PLEKHH2: variants seen among roughly 807,000 people sequenced by gnomAD.
PLEKHH2 encodes the protein pleckstrin homology, MyTH4 and FERM domain containing H2, also known as pleckstrin homology domain-containing family H member 2.
A neutral mutation model predicts 187.9 loss-of-function variants in PLEKHH2; 129 were observed. The ratio of observed to expected loss-of-function variants is 0.69; its 90% confidence interval spans 0.59 to 0.79. The LOEUF (loss-of-function observed/expected upper bound fraction) is 0.79, where lower values mean the gene tolerates loss of function less well. Among genes scored for constraint, PLEKHH2 ranks in the 30% least tolerant of loss-of-function variants. The pLI, the probability that PLEKHH2 is intolerant of heterozygous loss-of-function variation, is 0.00. For missense variants in PLEKHH2, 2,076 were observed against 1,751.2 expected, an observed-to-expected ratio of 1.19 and a Z score of -3.31; for synonymous variants, 686 against 605.6, an observed-to-expected ratio of 1.13 and a Z score of -1.95.
Position 43,731,610 on chromosome 2 carries a change from A to G in PLEKHH2, c.2943+8A>G, listed in dbSNP as rs575681352. 2.0e-6 allele frequency: 3 copies of G among 1,475,826 alleles called. No individual in the cohort carries two copies. The highest frequency in any genetic ancestry group is 1.4e-5 in the African/African-American group (1 of 70,810). The allele number at this position is 1,475,826 out of a possible 1,614,324, so 91.4% of individuals were successfully genotyped here. A position where few individuals can be genotyped will look rare whatever the true frequency, so the allele number is the denominator to read the frequency against. On this transcript the variant is annotated splice_region_variant and intron_variant, in intron 19 of 29. Coordinates refer to ENST00000282406, the MANE Select transcript of PLEKHH2 (RefSeq NM_172069.4). ...GCTATTAAATTATTTAAGGTAAAAT[A>G]TTTATATGTTGTTAAATGATTTAAG...
intron 15 of PLEKHH2, among the ~76,000 whole-genome samples, chr2:43,718,533 G>A (rs1387032866): frequency 7.4e-5 from 11 of 148,274 alleles, no homozygotes; most frequent in African/African-American, 1.3e-4. Flanking sequence ...GCGAGACTCC[G>A]TCTCAAAAAA....
At chr2:43,718,174 G>A (rs1346977511) in intron 15 of PLEKHH2, among the ~76,000 whole-genome samples, 1 of 152,158 alleles carries the variant, frequency 6.6e-6, no homozygotes, top group African/African-American at 2.4e-5. Context: ...ATTTGAGGTT[G>A]CCTTTAAATT....
In PLEKHH2 at chr2:43,726,404, A is replaced by G. The variant is rs534996212; in HGVS notation, c.2674A>G (p.Lys892Glu). 23 of 1,612,252 alleles carry G rather than the reference A, an allele frequency of 1.4e-5. No individual in the cohort carries two copies. The East Asian group carries it at 4.7e-4, about 33-fold the overall frequency. The part of the protein sequence containing the change: ...STHYTIVIHP[K>E]DQGPTYLLIG... ...ACATTATACTATCGTTATCCATCCCAAAGACCAAGGTCCAACTTACCTCCT... is the reference window on the plus strand; with the variant it reads ...ACATTATACTATCGTTATCCATCCCGAAGACCAAGGTCCAACTTACCTCCT... The change falls in exon 17 of 30, where the codon AAA becomes GAA. Residue 892 changes from lysine to glutamate, a missense_variant. Coordinates refer to ENST00000282406, the MANE Select transcript of PLEKHH2 (RefSeq NM_172069.4).
intron 25 of PLEKHH2, 135 bp downstream of exon 25, chr2:43,753,895 G>A (rs1672101193): frequency 5.7e-6 from 4 of 706,980 alleles, no homozygotes; most frequent in African/African-American, 3.8e-5. Context: ...AAAAATTACA[G>A]GCACTATAAT....
chr2:43,678,091 G>A (rs1162101004), intron 2 of PLEKHH2, among the ~76,000 whole-genome samples: 3 of 151,390 alleles, frequency 2.0e-5, no homozygotes, highest in African/African-American at 7.3e-5. Flanking sequence ...CCGGGCAGAG[G>A]CGCTCCTCAC....
intron 20 of PLEKHH2, among the ~76,000 whole-genome samples, chr2:43,739,472 A>G (rs1013066345): frequency 7.2e-5 from 11 of 152,192 alleles, no homozygotes; most frequent in African/African-American, 2.7e-4. Context: ...ACCTTAGCAT[A>G]TAGGACTGTC....
intron 19 of PLEKHH2, among the ~76,000 whole-genome samples, chr2:43,735,711 G>T (rs968319890): frequency 6.6e-6 from 1 of 152,130 alleles, no homozygotes; most frequent in African/African-American, 2.4e-5. Context: ...CAGCTATTAT[G>T]TGTCAATAAC....
intron 2 of PLEKHH2, among the ~76,000 whole-genome samples, chr2:43,655,386 C>T (rs1329587446): frequency 2.0e-5 from 3 of 152,034 alleles, no homozygotes; most frequent in Non-Finnish European, 4.4e-5. Context: ...GTATCAAAAC[C>T]AGGAACTGCT....
At chr2:43,637,734 G>C (rs1703180778) in intron 1 of PLEKHH2, among the ~76,000 whole-genome samples, 1 of 152,200 alleles carries the variant, frequency 6.6e-6, no homozygotes, top group African/African-American at 2.4e-5. Context: ...GGGCAGCCCA[G>C]GGTCCCCGAG....
In PLEKHH2 at chr2:43,731,649, A is replaced by T. The variant is rs754598988; in HGVS notation, c.2943+47A>T. ...AAATGATTTAAGGTAAAATACTTAT[A>T]TGTTGTTAAATAATTGGAAAAAAAT... On this transcript the variant is annotated intron_variant, in intron 19 of 29. Transcript: ENST00000282406. 1.8e-5 allele frequency: 21 copies of T among 1,177,316 alleles called. No homozygotes were observed. The South Asian group carries it at 3.9e-4, about 22-fold the overall frequency. The allele number at this position is 1,177,316 out of a possible 1,614,324, so 72.9% of individuals were successfully genotyped here. A position where few individuals can be genotyped will look rare whatever the true frequency, so the allele number is the denominator to read the frequency against.
chr2:43,703,027 T>G (rs774338204), intron 8 of PLEKHH2, among the ~76,000 whole-genome samples: 7 of 152,176 alleles, frequency 4.6e-5, no homozygotes, highest in Non-Finnish European at 1.0e-4. Flanking sequence ...GCTGTTTGTG[T>G]GTGGGTGTAT....
intron 25 of PLEKHH2, 139 bp downstream of exon 25, chr2:43,753,899 C>T (rs2104616192): frequency 1.5e-6 from 1 of 688,518 alleles, no homozygotes. Context: ...ATTACAGGCA[C>T]TATAATTATA....
intron 21 of PLEKHH2, chr2:43,741,380 T>C (rs1671554331): frequency 6.2e-6 from 1 of 161,770 alleles, no homozygotes; most frequent in Admixed American, 6.3e-5. Flanking sequence ...TCCCTTTTAC[T>C]ATTTCTCTGC....
chr2:43,647,371 G>A (rs1666231282), intron 2 of PLEKHH2, among the ~76,000 whole-genome samples: 1 of 152,244 alleles, frequency 6.6e-6, no homozygotes, highest in African/African-American at 2.4e-5. Context: ...AAAGTGAGTA[G>A]TGGAGCCAAG....
intron 8 of PLEKHH2, among the ~76,000 whole-genome samples, chr2:43,703,365 A>C (rs999711193): frequency 2.0e-5 from 3 of 152,252 alleles, no homozygotes; most frequent in Non-Finnish European, 4.4e-5. Context: ...GGAACAAGAT[A>C]ATATAAATTC....
Position 43,710,509 on chromosome 2 carries a change from C to G in PLEKHH2, c.2235C>G (p.Pro745=), listed in dbSNP as rs961540841. ...YKSPSDVIRK[P]QGHIELSASC... ...TACAGAGTGATGTAATTAGAAAACC[C>G]CAGGGCCATATTGAACTTAGTGCAT... The change falls in exon 14 of 30, where the codon CCC becomes CCG. Residue 745 remains proline, a synonymous_variant. Transcript: ENST00000282406. 6.9e-6 allele frequency: 11 copies of G among 1,598,690 alleles called. No homozygotes were observed. Among genetic ancestry groups the G allele is most frequent in the Non-Finnish European group, 9.3e-6 (11 of 1,176,622 alleles).
intron 25 of PLEKHH2, among the ~76,000 whole-genome samples, chr2:43,756,155 G>C (rs565992833): frequency 6.6e-6 from 1 of 152,248 alleles, no homozygotes; most frequent in East Asian, 1.9e-4. Flanking sequence ...CTCTATTCCC[G>C]GGATTAATGC....
chr2:43,706,795 G>T lies in PLEKHH2; in HGVS notation c.1821+379G>T, dbSNP rs561780800. On this transcript the variant is annotated intron_variant, in intron 10 of 29. Transcript: ENST00000282406. ...GTATTAATTAAAAGAAGGATTGCAG[G>T]TATTGACAACCTTATATTTTCAGGC... 5.3e-5 allele frequency among the ~76,000 whole-genome samples: 8 copies of T among 152,222 alleles called. No individual in the cohort carries two copies. In the South Asian group the frequency reaches 1.7e-3, roughly 32 times the overall value.
intron 16 of PLEKHH2, among the ~76,000 whole-genome samples, chr2:43,721,732 A>T (rs917217574): frequency 6.6e-6 from 1 of 152,062 alleles, no homozygotes; most frequent in Non-Finnish European, 1.5e-5. Context: ...CAAAAAATTT[A>T]AAAATTAGCT....
Sources: gnomAD v4.1 joint callset for allele counts (sites outside exome capture counted in the v4.1 genomes callset) on GRCh38, gnomAD v4.1.1 for gene constraint, MANE v1.5 for transcripts, NCBI Gene and HGNC (gene_info 2026-07-23, HGNC 2026-07-21) for gene names.